The following DGKD variants were observed in gnomAD, a reference collection of about 807,000 sequenced individuals.
The protein encoded by DGKD is diacylglycerol kinase delta.
In DGKD, 68 loss-of-function variants were observed where a neutral mutation model predicts 154.4. That is an observed-to-expected ratio of 0.44 (90% CI 0.36 to 0.54). The LOEUF (loss-of-function observed/expected upper bound fraction) is 0.54. Among genes scored for constraint, DGKD ranks in the 20% least tolerant of loss-of-function variants. The pLI, the probability that DGKD is intolerant of heterozygous loss-of-function variation, is 0.00. For missense variants in DGKD, 1,343 were observed against 1,593.6 expected (o/e 0.84, Z 2.68); for synonymous variants, 693 against 638.0 (o/e 1.09, Z -1.30).
intron 1 of DGKD, among the ~76,000 whole-genome samples, chr2:233,371,115 A>G (rs1256841917): frequency 1.3e-5 from 2 of 152,020 alleles, no homozygotes; most frequent in African/African-American, 4.8e-5. Context: ...TTCTGTGTTT[A>G]TCTTATTGAG....
In DGKD at chr2:233,432,399, C is replaced by T. The variant is rs1471156039; in HGVS notation, c.349-1981C>T. Among the ~76,000 whole-genome samples the T allele has an allele frequency of 3.5e-5, 5 of 141,518 alleles. No individual in the cohort carries two copies. In the South Asian group the frequency reaches 9.0e-4, roughly 25 times the overall value. 92.8% of individuals were successfully genotyped at this position (141,518 alleles called of 152,430 possible). ...AATTAGCCGGGCGTGGTTGCTCACG[C>T]CTGTAATCCCAGCACTTTGGAAGGC... On this transcript the variant is annotated intron_variant, in intron 3 of 29. Transcript: ENST00000264057.
Position 233,364,021 on chromosome 2 carries a change from C to T in DGKD, c.156+9347C>T, listed in dbSNP as rs75286183. 5.0e-3 allele frequency among the ~76,000 whole-genome samples: 762 copies of T among 152,206 alleles called. 10 individuals are homozygous for T. The highest frequency in any genetic ancestry group is 0.017 in the African/African-American group (717 of 41,522). On this transcript the variant is annotated intron_variant, in intron 1 of 29. Coordinates refer to ENST00000264057, the MANE Select transcript of DGKD (RefSeq NM_152879.3). The stretch of plus-strand genomic sequence containing the variant: ...ATAGATGAAGAGAAAGAGAGAAAGG[C>T]GGAGGTTGCAGTGAGTCGAGATCAC...
At chr2:233,420,887 T>C (rs987367279) in intron 3 of DGKD, among the ~76,000 whole-genome samples, 1 of 152,134 alleles carries the variant, frequency 6.6e-6, no homozygotes, top group Admixed American at 6.5e-5. Flanking sequence ...GTAGTGCTGC[T>C]GTGAATATGC....
chr2:233,356,479 ACTGAC>A (rs1331142963), intron 1 of DGKD, among the ~76,000 whole-genome samples: 1 of 152,192 alleles, frequency 6.6e-6, no homozygotes, highest in African/African-American at 2.4e-5. Flanking sequence ...CAGGCAAGGT[ACTGAC>A]CAGTGTGGGG....
chr2:233,368,299 C>G (rs1702137180), intron 1 of DGKD, among the ~76,000 whole-genome samples: 1 of 152,040 alleles, frequency 6.6e-6, no homozygotes, highest in Non-Finnish European at 1.5e-5. Context: ...CACTTGAGGT[C>G]AGGAGTTCGA....
chr2:233,377,065 G>A (rs1224844155), intron 1 of DGKD, among the ~76,000 whole-genome samples: 1 of 147,874 alleles, frequency 6.8e-6, no homozygotes, highest in Admixed American at 6.7e-5. Flanking sequence ...GATATTAATA[G>A]CGTAGCATGT....
At chr2:233,433,505 G>A (rs1481757014) in intron 3 of DGKD, among the ~76,000 whole-genome samples, 1 of 152,116 alleles carries the variant, frequency 6.6e-6, no homozygotes, top group Non-Finnish European at 1.5e-5. Context: ...TAGAATAAAC[G>A]AGATCTAGTA....
At chr2:233,425,493 A>G (rs1438707721) in intron 3 of DGKD, among the ~76,000 whole-genome samples, 1 of 152,182 alleles carries the variant, frequency 6.6e-6, no homozygotes, top group Non-Finnish European at 1.5e-5. Flanking sequence ...GGCCGACTTT[A>G]TTCTTTTTTA....
chr2:233,381,119 G>T (rs1035230301), intron 1 of DGKD, among the ~76,000 whole-genome samples: 1 of 152,214 alleles, frequency 6.6e-6, no homozygotes, highest in African/African-American at 2.4e-5. Context: ...GCTCTGCAGA[G>T]CTGAGCGGGA....
chr2:233,370,830 C>T (rs1278608023), intron 1 of DGKD, among the ~76,000 whole-genome samples: 1 of 151,988 alleles, frequency 6.6e-6, no homozygotes, highest in Non-Finnish European at 1.5e-5. Flanking sequence ...TGGCTCACTG[C>T]AGCCTCCACA....
At chr2:233,393,234 G>A (rs533538587) in intron 3 of DGKD, among the ~76,000 whole-genome samples, 42 of 151,594 alleles carry the variant, frequency 2.8e-4, no homozygotes, top group African/African-American at 1.0e-3. Context: ...CGCCATGTTG[G>A]CCAGGCTGTT....
At chr2:233,376,942 C>G (rs1444460381) in intron 1 of DGKD, among the ~76,000 whole-genome samples, 1 of 151,952 alleles carries the variant, frequency 6.6e-6, no homozygotes, top group Non-Finnish European at 1.5e-5. Flanking sequence ...TAGAGGTAAC[C>G]ACTTAACCAT....
rs1421478904 is a variant in DGKD, at chr2:233,388,326, A to G, written c.226A>G (p.Lys76Glu). Residue 76 changes from lysine (K) to glutamate (E), a missense_variant, in exon 2 of 30, where the codon AAG becomes GAG. Lys to Glu is a moderately conservative substitution (Grantham distance 56, BLOSUM62 1). Around this residue, in one of 6 missense-constraint regions of DGKD, gnomAD observed 332 missense variants for 400.1 expected, o/e 0.83. Coordinates refer to ENST00000264057, the MANE Select transcript of DGKD (RefSeq NM_152879.3). Reference protein sequence around the residue: ...SFQRSKRRYFKLRGRTLYYAK... With the variant: ...SFQRSKRRYFELRGRTLYYAK... ...CCAGCGATCAAAAAGGAGATACTTT[A>G]AGCTTCGAGGGCGAACGCTTTACTA... The G allele has an allele frequency of 6.2e-7, 1 of 1,614,058 alleles. No individual in the cohort carries two copies. Among genetic ancestry groups the G allele is most frequent in the African/African-American group, 1.3e-5 (1 of 74,936 alleles).
At chr2:233,456,854 C>A (rs757523087) in intron 19 of DGKD, 45 bp from the exon 20 acceptor site, 30 of 1,481,176 alleles carry the variant, frequency 2.0e-5, no homozygotes, top group Non-Finnish European at 2.1e-5. Context: ...GTTAACTATA[C>A]GAAGAAAGCC....
chr2:233,393,008 C>T (rs994741633), intron 3 of DGKD, among the ~76,000 whole-genome samples: 4 of 152,080 alleles, frequency 2.6e-5, no homozygotes, highest in African/African-American at 7.2e-5. Context: ...AACAATTCTC[C>T]TTTTCTGTTT....
chr2:233,457,415 G>T lies in DGKD; in HGVS notation c.2580+87G>T. Reference sequence around the variant, plus strand: ...GGGGGTGTTCTGCTGTGGCTGGGGTGGATCCAGCTCTTCTGTTGTGCCAGC... The same window carrying T: ...GGGGGTGTTCTGCTGTGGCTGGGGTTGATCCAGCTCTTCTGTTGTGCCAGC... On this transcript the variant is annotated intron_variant, in intron 21 of 29. Transcript: ENST00000264057. This position sits in a 1 kb window ranked among gnomAD's most constrained non-coding sequence, Gnocchi z 5.5. The T allele has an allele frequency of 1.0e-6, 1 of 1,000,500 alleles. No individual in the cohort carries two copies. The highest frequency in any genetic ancestry group is 1.3e-5 in the South Asian group (1 of 78,166). The allele number at this position is 1,000,500 out of a possible 1,614,324, so 62.0% of individuals were successfully genotyped here. A position where few individuals can be genotyped will look rare whatever the true frequency, so the allele number is the denominator to read the frequency against.
intron 1 of DGKD, among the ~76,000 whole-genome samples, chr2:233,369,030 C>G (rs916588034): frequency 1.3e-5 from 2 of 152,176 alleles, no homozygotes; most frequent in African/African-American, 4.8e-5. Context: ...CTTTGTTTTC[C>G]TTTTTTGGAT....
intron 1 of DGKD, among the ~76,000 whole-genome samples, chr2:233,363,461 T>G (rs1701880145): frequency 6.6e-6 from 1 of 152,192 alleles, no homozygotes; most frequent in Non-Finnish European, 1.5e-5. Flanking sequence ...AAAATTAAAT[T>G]AAAAGTTTAT....
At chr2:233,365,331 A>C (rs912046280) in intron 1 of DGKD, among the ~76,000 whole-genome samples, 1 of 152,076 alleles carries the variant, frequency 6.6e-6, no homozygotes, top group Non-Finnish European at 1.5e-5. Flanking sequence ...CCCAGGTTCA[A>C]GTGATTCTCC....
Sources: allele counts gnomAD v4.1 joint callset (sites outside exome capture counted in the v4.1 genomes callset), GRCh38; gene constraint gnomAD v4.1.1; regional missense constraint gnomAD v4.1.1; non-coding constraint Gnocchi (gnomAD v3.1); transcripts MANE v1.5; gene names NCBI Gene and HGNC (gene_info 2026-07-23, HGNC 2026-07-21).